The following TMEM25 variants were observed in gnomAD, a reference collection of about 807,000 sequenced individuals.
The protein encoded by TMEM25 is transmembrane protein 25, also known as 0610039J01Rik.
In TMEM25, 36 loss-of-function variants were observed where a neutral mutation model predicts 37.0. That is an observed-to-expected ratio of 0.97 (90% CI 0.75 to 1.28). The LOEUF (loss-of-function observed/expected upper bound fraction) is 1.28, where lower values mean the gene tolerates loss of function less well. Ranked by LOEUF, TMEM25 falls within the 50% of genes most tolerant of loss-of-function variation. The probability of loss-of-function intolerance (pLI) is 0.00; values close to 1 mark genes in which losing one functional copy is unlikely to be tolerated. For synonymous variants in TMEM25, 197 were observed against 203.7 expected, an observed-to-expected ratio of 0.97 and a Z score of 0.28; for missense variants, 444 against 477.9, an observed-to-expected ratio of 0.93 and a Z score of 0.66.
intron 1 of TMEM25, chr11:118,531,558 CA>C: frequency 1.8e-6 from 1 of 566,052 alleles, no homozygotes; most frequent in South Asian, 2.4e-5. Flanking sequence ...AGCCTGGAGT[CA>C]GTGCTCGCTT....
At chr11:118,544,899 G>A (rs1555066627) in intron 8 of TMEM25, 1 of 1,579,150 alleles carries the variant, frequency 6.3e-7, no homozygotes, top group Admixed American at 1.7e-5. Context: ...CCTTGAAACA[G>A]CAGCTTGGGA....
chr11:118,541,228 C>T (rs1194235084), intron 8 of TMEM25, among the ~76,000 whole-genome samples: 2 of 151,976 alleles, frequency 1.3e-5, no homozygotes, highest in Non-Finnish European at 2.9e-5. Flanking sequence ...TTTGGGAGGC[C>T]AAGGCGGGCG....
At chr11:118,541,240 A>G (rs573507634) in intron 8 of TMEM25, among the ~76,000 whole-genome samples, 1 of 152,224 alleles carries the variant, frequency 6.6e-6, no homozygotes, top group East Asian at 1.9e-4. Context: ...AGGCGGGCGG[A>G]TCATGAGGTC....
In TMEM25 at chr11:118,535,705, T is replaced by C. The variant is rs1241123998; in HGVS notation, c.*1125T>C. The C allele has an allele frequency of 3.5e-6, 5 of 1,449,186 alleles. No homozygotes were observed. The highest frequency in any genetic ancestry group is 5.0e-5 in the East Asian group (2 of 39,682). 89.8% of individuals were successfully genotyped at this position (1,449,186 alleles called of 1,614,324 possible). On this transcript the variant is annotated 3_prime_UTR_variant, in exon 9 of 9. Transcript: ENST00000313236. ...ACTTTAAAAAGCAACATGTAAATGA[T>C]TGGAAATTAATATAGTACAGAATAT...
rs1555058907 is a variant in TMEM25 at position 118,532,096 on chromosome 11, G to A, written c.71-54G>A. ...CTCACTGGGCCAATTCCTGGTCACA[G>A]CACAGTACCAACCGTGCCTGAGCCC... On this transcript the variant is annotated intron_variant, in intron 2 of 8. Coordinates refer to ENST00000313236, the MANE Select transcript of TMEM25 (RefSeq NM_032780.4). 3 of 1,476,542 alleles carry A rather than the reference G, an allele frequency of 2.0e-6. No homozygotes were observed. The Admixed American group carries it at 7.3e-5, about 36-fold the overall frequency. 91.5% of individuals were successfully genotyped at this position (1,476,542 alleles called of 1,614,324 possible).
chr11:118,545,254 C>G (rs1330670454), intron 8 of TMEM25, among the ~76,000 whole-genome samples: 6 of 152,112 alleles, frequency 3.9e-5, no homozygotes, highest in Admixed American at 3.9e-4. Context: ...AACTCCATCC[C>G]TGCCTCCTTT....
chr11:118,534,717 C>T lies in TMEM25; in HGVS notation c.*137C>T. ...TTTGCTTGCCCTCCTGGCTGGGGTGCCCTCCATGTCATGCACGTGATGCAT... is the reference window on the plus strand; with the variant it reads ...TTTGCTTGCCCTCCTGGCTGGGGTGTCCTCCATGTCATGCACGTGATGCAT... On this transcript the variant is annotated 3_prime_UTR_variant, in exon 9 of 9. Transcript: ENST00000313236. This position sits in a 1 kb window ranked among gnomAD's most constrained non-coding sequence, Gnocchi z 4.6. 1 of 1,475,048 alleles carries T rather than the reference C, an allele frequency of 6.8e-7. No individual in the cohort carries two copies. The highest frequency in any genetic ancestry group is 1.4e-5 in the South Asian group (1 of 73,500). 91.4% of individuals were successfully genotyped at this position (1,475,048 alleles called of 1,614,324 possible).
At chr11:118,538,914 C>T (rs1295109254), downstream of TMEM25, among the ~76,000 whole-genome samples, 2 of 150,626 alleles carry the variant, frequency 1.3e-5, no homozygotes, top group Non-Finnish European at 3.0e-5. Flanking sequence ...AAGGAAATGT[C>T]TATTCTTGTC....
chr11:118,535,874 T>G, downstream of TMEM25: 1 of 1,072,420 alleles, frequency 9.3e-7, no homozygotes, highest in Admixed American at 5.3e-5. Context: ...TGTTTTTGTT[T>G]TTGTTTTATT....
chr11:118,532,885 G>A (rs1951355486), intron 3 of TMEM25, 32 bp from the exon 4 acceptor site: 1 of 1,591,528 alleles, frequency 6.3e-7, no homozygotes, highest in East Asian at 2.2e-5. Context: ...AGGGGCTGTG[G>A]TGAGAGCATA....
In TMEM25 at chr11:118,534,174, G is replaced by A; in HGVS notation, c.937+45G>A. 6.2e-7 allele frequency: 1 copy of A among 1,613,254 alleles called. No individual in the cohort carries two copies. Among genetic ancestry groups the A allele is most frequent in the South Asian group, 1.1e-5 (1 of 91,044 alleles). ...CTTTGCCCCTGCTTAATCTCCAGAAGTGCTTCTGAGAAAAAGAACTTGGTG... is the reference window on the plus strand; with the variant it reads ...CTTTGCCCCTGCTTAATCTCCAGAAATGCTTCTGAGAAAAAGAACTTGGTG... On this transcript the variant is annotated intron_variant, in intron 7 of 8. Coordinates refer to ENST00000313236, the MANE Select transcript of TMEM25 (RefSeq NM_032780.4). This position sits in a 1 kb window ranked among gnomAD's most constrained non-coding sequence, Gnocchi z 4.6.
rs148199179 is a variant in TMEM25 at position 118,534,283 on chromosome 11, C to T, written c.955C>T (p.Arg319Trp). 1.5e-4 allele frequency: 244 copies of T among 1,614,168 alleles called. 1 individual carries two copies. The highest frequency in any genetic ancestry group is 5.7e-4 in the Admixed American group (34 of 60,022). The change falls in exon 8 of 9, where the codon CGG becomes TGG. Residue 319 changes from arginine (R) to tryptophan (W), a missense_variant. Transcript: ENST00000313236. This position sits in a 1 kb window ranked among gnomAD's most constrained non-coding sequence, Gnocchi z 4.6. ...TCAACCAGCAGTGAAACCAGCAGAC[C>T]GGCAGATGGCTCAGAACAACAGCCG... ...PDSRAVKPAD[R>W]QMAQNNSRPE...
chr11:118,545,544 T>G (rs1555066873), intron 8 of TMEM25: 2 of 1,457,376 alleles, frequency 1.4e-6, no homozygotes, highest in Admixed American at 1.7e-5. Context: ...ACTCCGGGAA[T>G]TAGAGGCCCT....
chr11:118,542,911 T>TCAAA (rs528811326), intron 8 of TMEM25, among the ~76,000 whole-genome samples: 2 of 150,844 alleles, frequency 1.3e-5, no homozygotes, highest in East Asian at 2.0e-4. Context: ...AGACTCTGTC[T>TCAAA]CAAACAAACA....
chr11:118,536,192 T>G (rs189474885), downstream of TMEM25, among the ~76,000 whole-genome samples: 95 of 149,950 alleles, frequency 6.3e-4, 1 homozygote, highest in South Asian at 4.2e-3. Context: ...AATATGCTTT[T>G]CTTTTCTTTT....
intron 8 of TMEM25, chr11:118,545,627 A>T: frequency 9.5e-7 from 1 of 1,048,008 alleles, no homozygotes; most frequent in Non-Finnish European, 1.5e-6. Flanking sequence ...CCCAGCAGGT[A>T]GTCACATAAG....
chr11:118,531,718 G>A, intron 1 of TMEM25, 57 bp from the exon 2 acceptor site: 4 of 1,256,434 alleles, frequency 3.2e-6, no homozygotes, highest in Non-Finnish European at 4.4e-6. Context: ...AATTCCTGGA[G>A]CAATTGCTAG....
chr11:118,532,246 G>T lies in TMEM25; in HGVS notation c.167G>T (p.Gly56Val). ...CACGCCTTCACCTGCCGGGTGGCAGGGGGGCCTGGCACCCCCAGATTGGCC... is the reference window on the plus strand; with the variant it reads ...CACGCCTTCACCTGCCGGGTGGCAGTGGGGCCTGGCACCCCCAGATTGGCC... ...ERHAFTCRVA[G>V]GPGTPRLAWY... The change falls in exon 3 of 9, where the codon GGG (glycine) becomes GTG (valine). Residue 56 changes from glycine to valine, a missense_variant. By Grantham distance (109) the Gly-to-Val change is moderately radical. Coordinates refer to ENST00000313236, the MANE Select transcript of TMEM25 (RefSeq NM_032780.4). 6.2e-7 allele frequency: 1 copy of T among 1,613,706 alleles called. No homozygotes were observed. Among genetic ancestry groups the T allele is most frequent in the South Asian group, 1.1e-5 (1 of 91,066 alleles).
chr11:118,533,195 C>T lies in TMEM25; in HGVS notation c.661C>T (p.Leu221Phe). The change falls in exon 4 of 9, where the codon CTT becomes TTT. Residue 221 changes from leucine (L) to phenylalanine (F), a missense_variant. Coordinates refer to ENST00000313236, the MANE Select transcript of TMEM25 (RefSeq NM_032780.4). ...TNDVGVTSASLPAPGLLATRV... is the reference protein window; with the variant it reads ...TNDVGVTSASFPAPGLLATRV... ...TGACGTGGGTGTCACCAGTGCGTCGCTTCCAGCCCCAGGTGAGCATGGCCA... is the reference window on the plus strand; with the variant it reads ...TGACGTGGGTGTCACCAGTGCGTCGTTTCCAGCCCCAGGTGAGCATGGCCA... 1 of 1,596,252 alleles carries T rather than the reference C, an allele frequency of 6.3e-7. No homozygotes were observed. Among genetic ancestry groups the T allele is most frequent in the Non-Finnish European group, 8.5e-7 (1 of 1,175,210 alleles).
Sources: gnomAD v4.1 joint callset for allele counts (sites outside exome capture counted in the v4.1 genomes callset) on GRCh38, gnomAD v4.1.1 for gene constraint, Gnocchi (gnomAD v3.1) non-coding constraint, MANE v1.5 for transcripts, NCBI Gene and HGNC (gene_info 2026-07-23, HGNC 2026-07-21) for gene names.